The following BCAS3 variants were observed in gnomAD, a reference collection of about 807,000 sequenced individuals.
BCAS3 encodes the protein BCAS3 microtubule associated cell migration factor, also known as BCAS4/BCAS3 fusion.
BCAS3 carries 53 observed loss-of-function variants against 116.1 expected under a neutral mutation model. The ratio of observed to expected loss-of-function variants is 0.46; its 90% CI spans 0.37 to 0.57. The LOEUF is 0.57. BCAS3 is among the 20% of genes least tolerant of loss of function. BCAS3 has a pLI of 0.00. For missense variants in BCAS3, 917 were observed against 1,165.4 expected, an observed-to-expected ratio of 0.79 and a Z score of 3.10; for synonymous variants, 391 against 408.2, an observed-to-expected ratio of 0.96 and a Z score of 0.51.
chr17:61,067,728 A>AAC (rs1555697083), intron 19 of BCAS3, among the ~76,000 whole-genome samples: 165 of 131,882 alleles, frequency 1.3e-3, no homozygotes, highest in African/African-American at 1.8e-3. Flanking sequence ...CAAACAAACA[A>AAC]AAAAAAAAAA....
intron 22 of BCAS3, among the ~76,000 whole-genome samples, chr17:61,329,341 TTA>T (rs796164548): frequency 0.025 from 2,395 of 97,650 alleles, 47 homozygotes; most frequent in Admixed American, 0.068. Flanking sequence ...ATTATTATTA[TTA>T]TTTTTTTTTT....
chr17:61,054,170 T>G (rs1313251856), intron 19 of BCAS3, among the ~76,000 whole-genome samples: 2 of 152,242 alleles, frequency 1.3e-5, no homozygotes, highest in Admixed American at 1.3e-4. Flanking sequence ...TCTTCAGACC[T>G]GTACAATAGA....
intron 5 of BCAS3, among the ~76,000 whole-genome samples, chr17:60,734,186 A>C (rs2040740576): frequency 6.6e-6 from 1 of 152,214 alleles, no homozygotes; most frequent in African/African-American, 2.4e-5. Context: ...TCTATTACCC[A>C]GTAATGCGAT....
At chr17:60,834,460 A>G (rs558821600) in intron 7 of BCAS3, among the ~76,000 whole-genome samples, 2 of 152,136 alleles carry the variant, frequency 1.3e-5, no homozygotes, top group African/African-American at 4.8e-5. Context: ...AGCATGTCTC[A>G]AATGCTGTGA....
At chr17:61,373,088 A>G (rs1256774050) in intron 23 of BCAS3, among the ~76,000 whole-genome samples, 2 of 107,044 alleles carry the variant, frequency 1.9e-5, no homozygotes, top group African/African-American at 6.4e-5. Context: ...TGTGTAAAGT[A>G]TTCCTTTTTT....
Position 61,235,823 on chromosome 17 carries a change from A to T in BCAS3, c.2426-132504A>T, listed in dbSNP as rs1438376891. Among the ~76,000 whole-genome samples the T allele has an allele frequency of 1.3e-5, 2 of 152,178 alleles. No individual in the cohort carries two copies. The highest frequency in any genetic ancestry group is 2.9e-5 in the Non-Finnish European group (2 of 68,034). On this transcript the variant is annotated intron_variant, in intron 22 of 23. Coordinates refer to ENST00000407086, the MANE Select transcript of BCAS3 (RefSeq NM_017679.5). The surrounding 1 kb of genome is among the most constrained non-coding windows in gnomAD (Gnocchi z 5.0). ...GATTATATGTTAGCTTAACAGTAAT[A>T]CTAGGAAAATAATCCTCCTCTTGTC...
At chr17:61,143,559 C>T (rs940539900) in intron 22 of BCAS3, among the ~76,000 whole-genome samples, 1 of 152,148 alleles carries the variant, frequency 6.6e-6, no homozygotes, top group Non-Finnish European at 1.5e-5. Context: ...CCTGTAATCC[C>T]AGCACTTTGG....
chr17:60,703,730 T>C (rs533909641), intron 4 of BCAS3, among the ~76,000 whole-genome samples: 84 of 150,444 alleles, frequency 5.6e-4, no homozygotes, highest in African/African-American at 2.0e-3. Context: ...CTGGCTAACA[T>C]GGTGAAACCC....
At chr17:61,195,012 T>C (rs1164312521) in intron 22 of BCAS3, among the ~76,000 whole-genome samples, 1 of 152,230 alleles carries the variant, frequency 6.6e-6, no homozygotes, top group Non-Finnish European at 1.5e-5. Flanking sequence ...TACTGCCTTC[T>C]TTCTGACAAG....
intron 22 of BCAS3, among the ~76,000 whole-genome samples, chr17:61,255,834 G>T (rs1422129330): frequency 1.3e-5 from 2 of 152,162 alleles, no homozygotes; most frequent in Non-Finnish European, 1.5e-5. Flanking sequence ...AGTTTGTTTA[G>T]ATGTTCAGTG....
chr17:60,825,212 G>A (rs1208266667), intron 7 of BCAS3, among the ~76,000 whole-genome samples: 4 of 150,718 alleles, frequency 2.7e-5, no homozygotes, highest in African/African-American at 9.7e-5. Context: ...TGTGCACCTT[G>A]CTTGCTTTTC....
chr17:61,032,782 GTCACTGGAAGTC>G lies in BCAS3; in HGVS notation c.1638-1877_1638-1866del, dbSNP rs1342465555. 6.6e-6 allele frequency among the ~76,000 whole-genome samples: 1 copy of G among 152,130 alleles called. No individual in the cohort carries two copies. Among genetic ancestry groups the G allele is most frequent in the Non-Finnish European group, 1.5e-5 (1 of 68,004 alleles). On this transcript the variant is annotated intron_variant, in intron 16 of 23. Coordinates refer to ENST00000407086, the MANE Select transcript of BCAS3 (RefSeq NM_017679.5). This position sits in a 1 kb window ranked among gnomAD's most constrained non-coding sequence, Gnocchi z 4.6. ...TTTAAAAACGATGTCTTTATTCCCTGTCACTGGAAGTCTCACTGTGACTGGTTGACATTTTAG... is the reference window on the plus strand; with the variant it reads ...TTTAAAAACGATGTCTTTATTCCCTGTCACTGTGACTGGTTGACATTTTAG...
In BCAS3 at chr17:61,118,442, T is replaced by C. The variant is rs2075605437; in HGVS notation, c.2425+33878T>C. Among the ~76,000 whole-genome samples the C allele has an allele frequency of 6.6e-6, 1 of 152,146 alleles. No homozygotes were observed. The highest frequency in any genetic ancestry group is 1.5e-5 in the Non-Finnish European group (1 of 68,026). ...CAGGGGTGAAAATCCAGACTCCCCA[T>C]TTGTCCTGCACCAAAACTGCACGTG... is the stretch of plus-strand genomic sequence containing the variant. On this transcript the variant is annotated intron_variant, in intron 22 of 23. Transcript: ENST00000407086. The surrounding 1 kb of genome is among the most constrained non-coding windows in gnomAD (Gnocchi z 5.0).
chr17:60,996,251 G>A (rs892992548), intron 15 of BCAS3, among the ~76,000 whole-genome samples: 4 of 152,182 alleles, frequency 2.6e-5, no homozygotes, highest in South Asian at 2.1e-4. Context: ...CAGTCTGTAC[G>A]TGGACATGGG....
At position 60,873,873 on chromosome 17, in the gene BCAS3, T is replaced by TC. The variant is rs1030259650; in HGVS notation, c.585-789_585-788insC. Among the ~76,000 whole-genome samples, 6 of 152,114 alleles carry TC rather than the reference T, an allele frequency of 3.9e-5. No individual in the cohort carries two copies. In the East Asian group the frequency reaches 1.2e-3, roughly 29 times the overall value. On this transcript the variant is annotated intron_variant, in intron 8 of 23. Coordinates refer to ENST00000407086, the MANE Select transcript of BCAS3 (RefSeq NM_017679.5). ...ATTTATTATCTTCTCCATTCTTTTT[T>TC]TTTCATTTCCTTTTGAGACAGGATC...
intron 15 of BCAS3, among the ~76,000 whole-genome samples, chr17:61,014,695 A>G (rs543472217): frequency 3.9e-4 from 59 of 152,132 alleles, no homozygotes; most frequent in African/African-American, 1.3e-3. Context: ...AAGTAAAACT[A>G]TCTGTTTTTT....
At chr17:61,284,051 T>G (rs2051494491) in intron 22 of BCAS3, among the ~76,000 whole-genome samples, 1 of 152,030 alleles carries the variant, frequency 6.6e-6, no homozygotes, top group Non-Finnish European at 1.5e-5. Flanking sequence ...CTTGGAGAAC[T>G]TTTCTGTCTA....
rs1423355374 is a variant in BCAS3, at chr17:61,349,087, A to AT, written c.2426-19240_2426-19239insT. ...GAGATTCTTAAGGCTGGATTTGAGGACCCGTGCTTTGGAGCAGTGGTTCCC... is the reference window on the plus strand; with the variant it reads ...GAGATTCTTAAGGCTGGATTTGAGGATCCCGTGCTTTGGAGCAGTGGTTCCC... On this transcript the variant is annotated intron_variant, in intron 22 of 23. Transcript: ENST00000407086. This position sits in a 1 kb window ranked among gnomAD's most constrained non-coding sequence, Gnocchi z 4.7. Among the ~76,000 whole-genome samples, 1 of 152,154 alleles carries AT rather than the reference A, an allele frequency of 6.6e-6. No homozygotes were observed. The highest frequency in any genetic ancestry group is 1.5e-5 in the Non-Finnish European group (1 of 68,004).
intron 5 of BCAS3, among the ~76,000 whole-genome samples, chr17:60,721,859 C>A (rs2039273855): frequency 6.6e-6 from 1 of 152,122 alleles, no homozygotes; most frequent in Non-Finnish European, 1.5e-5. Context: ...CAGTACTACC[C>A]TCTTTCCACC....
Sources: gnomAD v4.1 joint callset for allele counts (sites outside exome capture counted in the v4.1 genomes callset) on GRCh38, gnomAD v4.1.1 for gene constraint, Gnocchi (gnomAD v3.1) non-coding constraint, MANE v1.5 for transcripts, NCBI Gene and HGNC (gene_info 2026-07-23, HGNC 2026-07-21) for gene names.